The following SLCO1A2 variants were observed in gnomAD, a reference collection of about 807,000 sequenced individuals.
The protein encoded by SLCO1A2 is solute carrier organic anion transporter family member 1A2, also known as OATP-1.
In SLCO1A2, 67 loss-of-function variants were observed where a neutral mutation model predicts 69.0. That is an observed-to-expected ratio of 0.97 (90% confidence interval 0.80 to 1.19). The LOEUF is 1.19. Ranked by LOEUF, SLCO1A2 falls within the 50% of genes most tolerant of loss-of-function variation. SLCO1A2 has a pLI of 0.00. For synonymous variants in SLCO1A2, 260 were observed against 265.9 expected (o/e 0.98, Z 0.22); for missense variants, 787 against 793.7 (o/e 0.99, Z 0.10).
chr12:21,274,957 G>A, intron 13 of SLCO1A2: 1 of 1,031,462 alleles, frequency 9.7e-7, no homozygotes, highest in East Asian at 8.6e-5. Flanking sequence ...AGGTCAGACA[G>A]GGCCTTTTCA....
chr12:21,399,896 A>C (rs1478027194), upstream of SLCO1A2, among the ~76,000 whole-genome samples: 2 of 150,908 alleles, frequency 1.3e-5, no homozygotes, highest in South Asian at 2.1e-4. Context: ...TAAAGACTTA[A>C]ACGTTAGACC....
chr12:21,335,428 C>G (rs1408047548), upstream of SLCO1A2, among the ~76,000 whole-genome samples: 1 of 140,852 alleles, frequency 7.1e-6, no homozygotes, highest in African/African-American at 3.2e-5. Context: ...AGATGTATAA[C>G]ATACAGGCAC....
At chr12:21,294,703 T>A (rs1947432981) in intron 10 of SLCO1A2, 1 of 152,156 alleles carries the variant, frequency 6.6e-6, no homozygotes, top group Non-Finnish European at 1.5e-5. Context: ...ATGGAGGCAA[T>A]CTTTAAAATT....
At chr12:21,407,643 A>T (rs894607878) in intron 1 of SLCO1A2, among the ~76,000 whole-genome samples, 1 of 152,024 alleles carries the variant, frequency 6.6e-6, no homozygotes, top group African/African-American at 2.4e-5. Context: ...TCTACAAAAA[A>T]CACAAAAATT....
At chr12:21,319,791 A>G (rs1951376668) in intron 2 of SLCO1A2, among the ~76,000 whole-genome samples, 1 of 152,210 alleles carries the variant, frequency 6.6e-6, no homozygotes, top group African/African-American at 2.4e-5. Context: ...GATGCAATCC[A>G]TAACAACATC....
chr12:21,375,428 C>A (rs895175756), intron 1 of SLCO1A2, among the ~76,000 whole-genome samples: 7 of 152,210 alleles, frequency 4.6e-5, no homozygotes, highest in East Asian at 3.9e-4. Context: ...ATTTTAAACT[C>A]TTTTTAAAAA....
rs1175615052 is a variant in SLCO1A2 at position 21,325,601 on chromosome 12, C to G, written c.61-6678G>C. Among the ~76,000 whole-genome samples, 11 of 152,182 alleles carry G rather than the reference C, an allele frequency of 7.2e-5. 1 individual carries two copies. Among genetic ancestry groups the G allele is most frequent in the Middle Eastern group, 3.2e-3 (1 of 316 alleles). On this transcript the variant is annotated intron_variant, in intron 2 of 14. Transcript: ENST00000683939. ...TTGCTGTTTCTTCAATTTCCCCAATCTGGGGCAAATGCAGAAAACTGATAT... is the reference window on the plus strand; with the variant it reads ...TTGCTGTTTCTTCAATTTCCCCAATGTGGGGCAAATGCAGAAAACTGATAT...
At chr12:21,364,444 C>G (rs969439365) in intron 2 of SLCO1A2, among the ~76,000 whole-genome samples, 1 of 152,136 alleles carries the variant, frequency 6.6e-6, no homozygotes, top group Non-Finnish European at 1.5e-5. Context: ...CAATATCATA[C>G]TGAATGGGCA....
chr12:21,301,110 T>C (rs1452485237), intron 7 of SLCO1A2, 61 bp downstream of exon 7: 31 of 1,032,158 alleles, frequency 3.0e-5, no homozygotes, highest in Non-Finnish European at 4.3e-5. Flanking sequence ...TTATATATGA[T>C]AACATACCTG....
chr12:21,269,488 A>AAAAC lies in SLCO1A2; in HGVS notation c.*56_*59dup, dbSNP rs1421956277. 8.5e-6 allele frequency: 11 copies of AAAAC among 1,299,560 alleles called. No individual in the cohort carries two copies. The highest frequency in any genetic ancestry group is 1.2e-5 in the Non-Finnish European group (11 of 928,814). The allele number at this position is 1,299,560 out of a possible 1,614,324, so 80.5% of individuals were successfully genotyped here. ...ATCTATTATATCTCTACTGATTTTT[A>AAAAC]AAACAATTAAGTTGTACAGCATGTT... On this transcript the variant is annotated 3_prime_UTR_variant, in exon 15 of 15. Coordinates refer to ENST00000683939, the MANE Select transcript of SLCO1A2 (RefSeq NM_001386879.1).
chr12:21,376,938 CAA>C, intron 1 of SLCO1A2, among the ~76,000 whole-genome samples: 1 of 152,068 alleles, frequency 6.6e-6, no homozygotes, highest in East Asian at 1.9e-4. Context: ...TAATAATCAG[CAA>C]AGAGGAAGCA....
At chr12:21,280,487 A>T in intron 12 of SLCO1A2, among the ~76,000 whole-genome samples, 3 of 152,204 alleles carry the variant, frequency 2.0e-5, no homozygotes. Flanking sequence ...GACGAAGAAG[A>T]TCATTATATA....
intron 1 of SLCO1A2, chr12:21,376,296 T>G (rs1024835353): frequency 7.4e-5 from 25 of 336,932 alleles, no homozygotes; most frequent in Non-Finnish European, 1.5e-4. Flanking sequence ...ATTTGACCCA[T>G]AATTTTCCTT....
intron 9 of SLCO1A2, 22 bp from the exon 10 acceptor site, chr12:21,295,814 T>C (rs1302827444): frequency 7.6e-7 from 1 of 1,312,280 alleles, no homozygotes; most frequent in Non-Finnish European, 1.1e-6. Flanking sequence ...AATAAAATAT[T>C]ATTTACAAAA....
intron 4 of SLCO1A2, among the ~76,000 whole-genome samples, chr12:21,311,286 T>C (rs1565490535): frequency 6.6e-6 from 1 of 152,154 alleles, no homozygotes; most frequent in Non-Finnish European, 1.5e-5. Context: ...CTAAGAGGAT[T>C]TGAGTCAACT....
intron 2 of SLCO1A2, among the ~76,000 whole-genome samples, chr12:21,368,981 T>C (rs981037760): frequency 6.6e-6 from 1 of 151,940 alleles, no homozygotes; most frequent in African/African-American, 2.4e-5. Flanking sequence ...ACAGCTAAAA[T>C]AAAGAAATGT....
chr12:21,273,386 C>A (rs914619385), intron 14 of SLCO1A2, among the ~76,000 whole-genome samples: 1 of 152,128 alleles, frequency 6.6e-6, no homozygotes, highest in Non-Finnish European at 1.5e-5. Context: ...AGTGTCCCTG[C>A]TAACAAGAAA....
chr12:21,327,724 C>T (rs1952346625), intron 2 of SLCO1A2, among the ~76,000 whole-genome samples: 1 of 152,094 alleles, frequency 6.6e-6, no homozygotes, highest in Non-Finnish European at 1.5e-5. Flanking sequence ...TTACTCAATG[C>T]CTGTATCCCC....
intron 1 of SLCO1A2, among the ~76,000 whole-genome samples, chr12:21,394,265 C>T (rs1397411839): frequency 1.3e-5 from 2 of 152,090 alleles, no homozygotes; most frequent in African/African-American, 4.8e-5. Context: ...TGGGTCAGTG[C>T]AGTGGGCTGT....
Sources: allele counts gnomAD v4.1 joint callset (sites outside exome capture counted in the v4.1 genomes callset), GRCh38; gene constraint gnomAD v4.1.1; transcripts MANE v1.5; gene names NCBI Gene and HGNC (gene_info 2026-07-23, HGNC 2026-07-21).